The following AEBP1 variants were observed in gnomAD, a reference collection of about 807,000 sequenced individuals.
The protein encoded by AEBP1 is AE binding protein 1.
In AEBP1, 69 loss-of-function variants were observed where a neutral mutation model predicts 116.5. That is an observed-to-expected ratio of 0.59 (90% CI 0.49 to 0.72). The LOEUF is 0.72. Among genes scored for constraint, AEBP1 ranks in the 30% least tolerant of loss-of-function variants. The pLI, the probability that AEBP1 is intolerant of heterozygous loss-of-function variation, is 0.00. For missense variants in AEBP1, 1,444 were observed against 1,557.5 expected (o/e 0.93, Z 1.23); for synonymous variants, 627 against 627.3 (o/e 1.00, Z 0.01).
intron 1 of AEBP1, chr7:44,106,127 C>T (rs1586044687): frequency 4.3e-6 from 2 of 465,410 alleles, no homozygotes; most frequent in East Asian, 6.7e-5. Flanking sequence ...GGGCCCATGT[C>T]CCTTCCTTTG....
Position 44,112,495 on chromosome 7 carries a change from G to A in AEBP1, c.2218-63G>A, listed in dbSNP as rs1309515522. 5 of 1,387,034 alleles carry A rather than the reference G, an allele frequency of 3.6e-6. No homozygotes were observed. Among genetic ancestry groups the A allele is most frequent in the Non-Finnish European group, 3.8e-6 (4 of 1,050,944 alleles). The allele number at this position is 1,387,034 out of a possible 1,614,324, so 85.9% of individuals were successfully genotyped here. On this transcript the variant is annotated intron_variant, in intron 17 of 20. Coordinates refer to ENST00000223357, the MANE Select transcript of AEBP1 (RefSeq NM_001129.5). The surrounding 1 kb of genome is among the most constrained non-coding windows in gnomAD (Gnocchi z 6.6). ...GTGTGAAGCTTCATGGAGGGTGATC[G>A]GGCTAGGTTGGGGATAGTGGCCGGA... is the stretch of plus-strand genomic sequence containing the variant.
In AEBP1 at chr7:44,107,820, C is replaced by G; in HGVS notation, c.751C>G (p.Arg251Gly). ...AGCCTCCCCCTCAGTTGAGTACATT[C>G]GGCGCCAGAAGCAACCCAGGCCACC... is the stretch of plus-strand genomic sequence containing the variant. Reference protein sequence around the residue: ...REDYEDFEYIRRQKQPRPPPS... With the variant: ...REDYEDFEYIGRQKQPRPPPS... Residue 251 changes from arginine (R) to glycine (G), a missense_variant, in exon 5 of 21, where the codon CGG becomes GGG. Physicochemically the swap from Arg to Gly is moderately radical, Grantham distance 125. Coordinates refer to ENST00000223357, the MANE Select transcript of AEBP1 (RefSeq NM_001129.5). The surrounding 1 kb of genome is among the most constrained non-coding windows in gnomAD (Gnocchi z 4.3). 1.2e-6 allele frequency: 2 copies of G among 1,611,552 alleles called. No individual in the cohort carries two copies. Among genetic ancestry groups the G allele is most frequent in the South Asian group, 1.1e-5 (1 of 90,918 alleles).
Position 44,112,153 on chromosome 7 carries a change from T to G in AEBP1, c.2049T>G (p.Phe683Leu), listed in dbSNP as rs2096230208. The G allele has an allele frequency of 3.1e-6, 5 of 1,598,590 alleles. No homozygotes were observed. The highest frequency in any genetic ancestry group is 1.7e-5 in the Admixed American group (1 of 59,314). The change falls in exon 17 of 21, where the codon TTT (phenylalanine) becomes TTG (leucine). Residue 683 changes from phenylalanine (F) to leucine (L), a missense_variant. Transcript: ENST00000223357. This position sits in a 1 kb window ranked among gnomAD's most constrained non-coding sequence, Gnocchi z 6.6. ...CTGGCTCCCCACAGGGCTCAGAGTT[T>G]GGGAACTGGGCGCTGGGACTGTGGA... is the stretch of plus-strand genomic sequence containing the variant. ...YEVAAQMGSE[F>L]GNWALGLWTE...
chr7:44,110,621 C>T, intron 11 of AEBP1, 104 bp from the exon 12 acceptor site: 1 of 1,153,886 alleles, frequency 8.7e-7, no homozygotes, highest in Non-Finnish European at 1.2e-6. Flanking sequence ...TGCAGCACCA[C>T]CCTGCTAGCT....
At position 44,112,304 on chromosome 7, in the gene AEBP1, C is replaced by T; in HGVS notation, c.2200C>T (p.Leu734Phe). Residue 734 changes from leucine to phenylalanine, a missense_variant, in exon 17 of 21, where the codon CTT becomes TTT. Physicochemically the swap from Leu to Phe is conservative, Grantham distance 22. Transcript: ENST00000223357. This position sits in a 1 kb window ranked among gnomAD's most constrained non-coding sequence, Gnocchi z 6.6. ...TAACTTGCCCATCCCTGAACGCTAC[C>T]TTTCGCCAGATGCCACGGTGAGGCT... ...NNNLPIPERYLSPDATVSTEV... is the reference protein window; with the variant it reads ...NNNLPIPERYFSPDATVSTEV... 1.9e-6 allele frequency: 3 copies of T among 1,555,784 alleles called. No individual in the cohort carries two copies. Among genetic ancestry groups the T allele is most frequent in the Non-Finnish European group, 2.6e-6 (3 of 1,148,570 alleles).
Position 44,111,376 on chromosome 7 carries a change from C to T in AEBP1, c.1717-131C>T. 2 of 1,417,980 alleles carry T rather than the reference C, an allele frequency of 1.4e-6. No homozygotes were observed. Among genetic ancestry groups the T allele is most frequent in the Non-Finnish European group, 1.9e-6 (2 of 1,070,398 alleles). 87.8% of individuals were successfully genotyped at this position (1,417,980 alleles called of 1,614,324 possible). On this transcript the variant is annotated intron_variant, in intron 14 of 20. Transcript: ENST00000223357. This position sits in a 1 kb window ranked among gnomAD's most constrained non-coding sequence, Gnocchi z 4.7. The stretch of plus-strand genomic sequence containing the variant: ...GCTGTCCCTCACCTTAGGAAGGAGG[C>T]CAGTACCTGGGGGCTGCGTGAAGGG...
intron 1 of AEBP1, among the ~76,000 whole-genome samples, chr7:44,105,280 T>G (rs1488657683): frequency 6.6e-6 from 1 of 152,230 alleles, no homozygotes; most frequent in Non-Finnish European, 1.5e-5. Context: ...CTCTCCCTGT[T>G]GGTGGCACAG....
intron 9 of AEBP1, chr7:44,109,801 A>C: frequency 1.7e-6 from 1 of 592,808 alleles, no homozygotes; most frequent in African/African-American, 1.9e-5. Flanking sequence ...CAGGGAGGGG[A>C]AGCACAGGCT....
At chr7:44,109,363 GTGAGGGT>G (rs1290618960) in intron 9 of AEBP1, 22 bp downstream of exon 9, 1 of 1,509,948 alleles carries the variant, frequency 6.6e-7, no homozygotes, top group Non-Finnish European at 9.0e-7. Flanking sequence ...GCACAAGGGG[GTGAGGGT>G]GGGGGCCACA....
In AEBP1 at chr7:44,110,667, G is replaced by C. The variant is rs376253044; in HGVS notation, c.1401-58G>C. Reference sequence around the variant, plus strand: ...TGGGGCTCGGAAGAGGGAGGCTCAGGCCACCTGAGGGCCTGGGAGGGGGAA... The same window carrying C: ...TGGGGCTCGGAAGAGGGAGGCTCAGCCCACCTGAGGGCCTGGGAGGGGGAA... On this transcript the variant is annotated intron_variant, in intron 11 of 20. Transcript: ENST00000223357. The C allele has an allele frequency of 6.9e-6, 10 of 1,441,270 alleles. No homozygotes were observed. The African/African-American group carries it at 1.4e-4, about 21-fold the overall frequency. The allele number at this position is 1,441,270 out of a possible 1,614,324, so 89.3% of individuals were successfully genotyped here. A position where few individuals can be genotyped will look rare whatever the true frequency, so the allele number is the denominator to read the frequency against.
chr7:44,114,038 C>A lies in AEBP1; in HGVS notation c.3254C>A (p.Thr1085Asn). The part of the protein sequence containing the change: ...TAGWEESETE[T>N]YTEVVTEFGT... ...GGCTGGGAGGAGTCGGAGACTGAGACCTACACAGAGGTGGTGACAGAGTTT... is the reference window on the plus strand; with the variant it reads ...GGCTGGGAGGAGTCGGAGACTGAGAACTACACAGAGGTGGTGACAGAGTTT... The change falls in exon 21 of 21, where the codon ACC becomes AAC. Residue 1085 changes from threonine (T) to asparagine (N), a missense_variant. Thr to Asn is a moderately conservative substitution (Grantham distance 65). Transcript: ENST00000223357. The A allele has an allele frequency of 6.3e-7, 1 of 1,596,546 alleles. No homozygotes were observed. The highest frequency in any genetic ancestry group is 8.5e-7 in the Non-Finnish European group (1 of 1,172,484).
intron 9 of AEBP1, 101 bp downstream of exon 9, chr7:44,109,442 A>T: frequency 7.7e-7 from 1 of 1,293,326 alleles, no homozygotes; most frequent in Non-Finnish European, 1.0e-6. Context: ...GGTCCCCGGA[A>T]CCCTTTCCTA....
rs146344486 is a variant in AEBP1, at chr7:44,113,875, G to A, written c.3091G>A (p.Ala1031Thr). The A allele has an allele frequency of 3.8e-3, 6,210 of 1,613,520 alleles. 11 individuals are homozygous for A. Among genetic ancestry groups the A allele is most frequent in the Non-Finnish European group, 4.6e-3 (5,469 of 1,179,984 alleles). ...CCTACAACACCGCCTGCGGCTTCGG[G>A]CACAGATGCGGCTGCGGCGCCTCAA... is the stretch of plus-strand genomic sequence containing the variant. ...RRLQHRLRLR[A>T]QMRLRRLNAT... The change falls in exon 21 of 21, where the codon GCA becomes ACA. Residue 1031 changes from alanine to threonine, a missense_variant. By Grantham distance (58) the Ala-to-Thr change is moderately conservative. Transcript: ENST00000223357. The surrounding 1 kb of genome is among the most constrained non-coding windows in gnomAD (Gnocchi z 5.3).
At chr7:44,105,587 C>T (rs1415090803) in intron 1 of AEBP1, among the ~76,000 whole-genome samples, 2 of 152,062 alleles carry the variant, frequency 1.3e-5, no homozygotes, top group East Asian at 3.9e-4. Flanking sequence ...TCCAACATTC[C>T]TGATGTCAGC....
rs773139855 is a variant in AEBP1 at position 44,113,260 on chromosome 7, C to G, written c.2718C>G (p.Arg906=). The stretch of plus-strand genomic sequence containing the variant: ...CTCACCTGCTTCCCTAGGTGCACCG[C>G]GGCATTAAGGGGGTGGTGACGGACG... ...ALLTFMEQVH[R]GIKGVVTDEQ... is the part of the protein sequence containing the mutation. The change falls in exon 20 of 21, where the codon CGC becomes CGG. Residue 906 remains arginine (R), a synonymous_variant. Transcript: ENST00000223357. The surrounding 1 kb of genome is among the most constrained non-coding windows in gnomAD (Gnocchi z 5.3). 2.5e-6 allele frequency: 4 copies of G among 1,613,606 alleles called. No homozygotes were observed. The East Asian group carries it at 8.9e-5, about 36-fold the overall frequency.
chr7:44,113,341 C>A lies in AEBP1; in HGVS notation c.2799C>A (p.Gly933=). The change falls in exon 20 of 21, where the codon GGC becomes GGA. Residue 933 remains glycine, a synonymous_variant. Coordinates refer to ENST00000223357, the MANE Select transcript of AEBP1 (RefSeq NM_001129.5). The surrounding 1 kb of genome is among the most constrained non-coding windows in gnomAD (Gnocchi z 5.3). ...TCTCTGTGAGTGGCATTAATCACGG[C>A]GTGAAGACAGGTACCTAGTGTGCAC... ...ATISVSGINH[G]VKTASGGDYW... 1 of 1,612,184 alleles carries A rather than the reference C, an allele frequency of 6.2e-7. No homozygotes were observed.
Position 44,111,617 on chromosome 7 carries a change from G to A in AEBP1, c.1827G>A (p.Gly609=). ...IYAMEISDNP[G]EHELGEPEFR... is the part of the protein sequence containing the mutation. ...CCATGGAGATCTCAGACAACCCTGG[G>A]GAGCATGAACTGGGTGAGGGTCTGT... is the stretch of plus-strand genomic sequence containing the variant. The change falls in exon 15 of 21, where the codon GGG becomes GGA. Residue 609 remains glycine (G), a synonymous_variant. Transcript: ENST00000223357. The surrounding 1 kb of genome is among the most constrained non-coding windows in gnomAD (Gnocchi z 4.7). 1.2e-6 allele frequency: 2 copies of A among 1,613,096 alleles called. No individual in the cohort carries two copies. Among genetic ancestry groups the A allele is most frequent in the Non-Finnish European group, 1.7e-6 (2 of 1,179,734 alleles).
rs2096228480 is a variant in AEBP1, at chr7:44,110,790, C to T, written c.1466C>T (p.Thr489Ile). Residue 489 changes from threonine (T) to isoleucine (I), a missense_variant, in exon 12 of 21, where the codon ACC becomes ATC. Coordinates refer to ENST00000223357, the MANE Select transcript of AEBP1 (RefSeq NM_001129.5). ...GACAGCCAGACATGGGTGATGTACACCAACGGCTATGAGGAAATGGTGGGC... is the reference window on the plus strand; with the variant it reads ...GACAGCCAGACATGGGTGATGTACATCAACGGCTATGAGGAAATGGTGGGC... Reference protein sequence around the residue: ...SNDSQTWVMYTNGYEEMTFHG... With the variant: ...SNDSQTWVMYINGYEEMTFHG... 2 of 1,549,736 alleles carry T rather than the reference C, an allele frequency of 1.3e-6. No individual in the cohort carries two copies. The highest frequency in any genetic ancestry group is 1.7e-6 in the Non-Finnish European group (2 of 1,147,936).
chr7:44,110,242 G>T lies in AEBP1; in HGVS notation c.1296G>T (p.Ala432=). 1 of 1,613,776 alleles carries T rather than the reference G, an allele frequency of 6.2e-7. No homozygotes were observed. The highest frequency in any genetic ancestry group is 8.5e-7 in the Non-Finnish European group (1 of 1,180,024). The part of the protein sequence containing the change: ...GATEDDYYDG[A]WCAEDDARTQ... ...CTGAGGACGACTACTATGATGGTGC[G>T]TGGTGTGCCGAGGACGATGCCAGGA... Residue 432 remains alanine (A), a synonymous_variant, in exon 11 of 21, where the codon GCG becomes GCT. Transcript: ENST00000223357.
Sources: allele counts gnomAD v4.1 joint callset (sites outside exome capture counted in the v4.1 genomes callset), GRCh38; gene constraint gnomAD v4.1.1; non-coding constraint Gnocchi (gnomAD v3.1); transcripts MANE v1.5; gene names NCBI Gene and HGNC (gene_info 2026-07-23, HGNC 2026-07-21).